METTL15: variants seen among roughly 807,000 people sequenced by gnomAD.
METTL15 encodes 12S rRNA N(4)-cytidine methyltransferase METTL15.
A neutral mutation model predicts 38.3 loss-of-function variants in METTL15; 34 were observed. That is an observed-to-expected ratio of 0.89 (90% CI 0.68 to 1.18). The LOEUF is 1.18. Ranked by LOEUF, METTL15 falls within the 50% of genes most tolerant of loss-of-function variation. The pLI is 0.00. For missense variants in METTL15, 438 were observed against 498.4 expected (o/e 0.88, Z 1.15); for synonymous variants, 162 against 170.9 (o/e 0.95, Z 0.41).
intron 3 of METTL15, among the ~76,000 whole-genome samples, chr11:28,182,155 T>C (rs1851314572): frequency 1.3e-5 from 2 of 152,170 alleles, no homozygotes; most frequent in Non-Finnish European, 2.9e-5. Flanking sequence ...ATTCTGGATA[T>C]TAGTCATTTG....
chr11:28,484,191 T>C (rs1851419448), intron 6 of METTL15, among the ~76,000 whole-genome samples: 2 of 152,212 alleles, frequency 1.3e-5, no homozygotes, highest in African/African-American at 4.8e-5. Flanking sequence ...TTATTCCTTA[T>C]TCAATTCTCA....
intron 3 of METTL15, among the ~76,000 whole-genome samples, chr11:28,348,287 G>C (rs905118064): frequency 1.3e-5 from 2 of 152,176 alleles, no homozygotes; most frequent in South Asian, 4.1e-4. Context: ...CAAATGGTGA[G>C]TTTATAAAAC....
At chr11:28,516,134 C>A (rs1481609505) in intron 6 of METTL15, among the ~76,000 whole-genome samples, 6 of 152,302 alleles carry the variant, frequency 3.9e-5, no homozygotes, top group South Asian at 2.1e-4. Context: ...AGATTTATTT[C>A]ATGCTTGTTA....
chr11:28,452,964 C>G (rs1851135778), intron 6 of METTL15, among the ~76,000 whole-genome samples: 1 of 152,196 alleles, frequency 6.6e-6, no homozygotes, highest in Non-Finnish European at 1.5e-5. Flanking sequence ...AACCTCTTTA[C>G]TAAATCACAT....
rs180783231 is a variant in METTL15 at position 28,208,385 on chromosome 11, G to A, written c.271-2677G>A. Among the ~76,000 whole-genome samples the A allele has an allele frequency of 9.4e-4, 143 of 152,000 alleles. 1 individual carries two copies. The highest frequency in any genetic ancestry group is 2.8e-3 in the African/African-American group (115 of 41,484). ...GTTATGTACCCCATAGTCATTCAGG[G>A]GCAGGTTGTTCAGTTTCCATGTAGT... On this transcript the variant is annotated intron_variant, in intron 3 of 6. Transcript: ENST00000407364.
chr11:28,386,381 A>G (rs1330852139), intron 5 of METTL15, among the ~76,000 whole-genome samples: 3 of 152,008 alleles, frequency 2.0e-5, no homozygotes, highest in Non-Finnish European at 2.9e-5. Context: ...AGGATGAAAA[A>G]TGATATTCCA....
chr11:28,464,361 TCTCTGTTTCAACTA>T lies in METTL15; in HGVS notation c.*424+40011_*424+40024del, dbSNP rs538944360. 8.4e-4 allele frequency among the ~76,000 whole-genome samples: 128 copies of T among 152,318 alleles called. No homozygotes were observed. In the South Asian group the frequency reaches 0.011, roughly 13 times the overall value. ...ATTTTTGGCTTTGTGGGCCATACAGTCTCTGTTTCAACTACTCTGTTTCAACTTGCCTAGAGCAG... is the reference window on the plus strand; with the variant it reads ...ATTTTTGGCTTTGTGGGCCATACAGTCTCTGTTTCAACTTGCCTAGAGCAG... On this transcript the variant is annotated intron_variant and NMD_transcript_variant, in intron 6 of 7. Coordinates refer to the METTL15 transcript ENST00000532947.
chr11:28,211,496 G>C lies in METTL15; in HGVS notation c.407+298G>C, dbSNP rs7931909. Among the ~76,000 whole-genome samples the C allele has an allele frequency of 1.2e-3, 180 of 152,118 alleles. 1 individual carries two copies. The highest frequency in any genetic ancestry group is 4.1e-3 in the African/African-American group (170 of 41,540). Reference sequence around the variant, plus strand: ...AAATGAGTTTTGACAATAACTCATAGTCAAAAAATAATTTTTAAACATTTT... The same window carrying C: ...AAATGAGTTTTGACAATAACTCATACTCAAAAAATAATTTTTAAACATTTT... On this transcript the variant is annotated intron_variant, in intron 4 of 6. Transcript: ENST00000407364.
At chr11:28,109,685 T>C (rs1209237244) in intron 1 of METTL15, among the ~76,000 whole-genome samples, 1 of 152,204 alleles carries the variant, frequency 6.6e-6, no homozygotes, top group African/African-American at 2.4e-5. Flanking sequence ...GCATGGATCA[T>C]TGGTGAAGAA....
chr11:28,501,234 C>G (rs1296777289), intron 6 of METTL15, among the ~76,000 whole-genome samples: 1 of 152,078 alleles, frequency 6.6e-6, no homozygotes. Flanking sequence ...AATTGAATAT[C>G]AGAGAGAGGA....
chr11:28,502,455 C>T (rs1476017277), intron 6 of METTL15, among the ~76,000 whole-genome samples: 1 of 152,162 alleles, frequency 6.6e-6, no homozygotes, highest in East Asian at 1.9e-4. Flanking sequence ...CCATGGTGGG[C>T]TTTTAGGTCC....
intron 4 of METTL15, among the ~76,000 whole-genome samples, chr11:28,275,349 A>G (rs1008230746): frequency 1.1e-4 from 16 of 151,874 alleles, no homozygotes; most frequent in Non-Finnish European, 4.4e-5. Flanking sequence ...TGCAAATTAG[A>G]AAACCTAGAA....
intron 6 of METTL15, among the ~76,000 whole-genome samples, chr11:28,507,733 C>A (rs1196508954): frequency 6.6e-6 from 1 of 151,958 alleles, no homozygotes; most frequent in African/African-American, 2.4e-5. Flanking sequence ...ATTCTGTTTT[C>A]TTCATATCTA....
At chr11:28,300,339 A>G (rs1856870750) in intron 6 of METTL15, among the ~76,000 whole-genome samples, 1 of 152,186 alleles carries the variant, frequency 6.6e-6, no homozygotes, top group Non-Finnish European at 1.5e-5. Context: ...TGATGGAAAT[A>G]TAAATCACTT....
intron 2 of METTL15, among the ~76,000 whole-genome samples, chr11:28,111,006 T>C (rs1479183825): frequency 6.6e-6 from 1 of 152,186 alleles, no homozygotes; most frequent in African/African-American, 2.4e-5. Context: ...CCAAGTTGTC[T>C]GGTAGGAAAC....
At chr11:28,276,743 G>A (rs1855857053) in intron 4 of METTL15, among the ~76,000 whole-genome samples, 1 of 152,084 alleles carries the variant, frequency 6.6e-6, no homozygotes, top group Admixed American at 6.6e-5. Context: ...ATAGATCAAT[G>A]GAACAGAATA....
rs138709988 is a variant in METTL15, at chr11:28,173,018, T to A, written c.271-38044T>A. 7.0e-4 allele frequency among the ~76,000 whole-genome samples: 107 copies of A among 152,330 alleles called. 3 individuals carry two copies. The East Asian group carries it at 0.018, about 25-fold the overall frequency. ...AATCTTAAAGACTTAACGAAACTCT[T>A]ATAAAGAGGTTTGATAGTAACTGAT... On this transcript the variant is annotated intron_variant, in intron 3 of 6. Coordinates refer to ENST00000407364, the MANE Select transcript of METTL15 (RefSeq NM_001113528.2).
intron 5 of METTL15, among the ~76,000 whole-genome samples, chr11:28,372,133 A>ATG (rs1414998807): frequency 6.6e-6 from 1 of 152,000 alleles, no homozygotes; most frequent in Non-Finnish European, 1.5e-5. Flanking sequence ...TTGGCCATAT[A>ATG]TGGCCTTTAT....
At chr11:28,492,775 C>G (rs1327844647) in intron 6 of METTL15, among the ~76,000 whole-genome samples, 1 of 151,998 alleles carries the variant, frequency 6.6e-6, no homozygotes, top group East Asian at 1.9e-4. Flanking sequence ...TAAGTACAGA[C>G]TGGAATAATT....
Sources: gnomAD v4.1 joint callset for allele counts (sites outside exome capture counted in the v4.1 genomes callset) on GRCh38, gnomAD v4.1.1 for gene constraint, MANE v1.5 for transcripts, NCBI Gene and HGNC (gene_info 2026-07-23, HGNC 2026-07-21) for gene names.